Variants in RBFOX1 observed in about 807,000 individuals in gnomAD.
RBFOX1 encodes the protein RNA binding fox-1 homolog 1.
Under a neutral mutation model 57.7 loss-of-function variants are expected in RBFOX1, and 8 were observed. The ratio of observed to expected loss-of-function variants is 0.14; its 90% CI spans 0.08 to 0.25. The LOEUF (loss-of-function observed/expected upper bound fraction) is 0.25. RBFOX1 is among the 10% of genes least tolerant of loss of function. The pLI is 1.00. For synonymous variants in RBFOX1, 326 were observed against 222.4 expected, an observed-to-expected ratio of 1.47 and a Z score of -4.15; for missense variants, 611 against 548.5, an observed-to-expected ratio of 1.11 and a Z score of -1.14.
intron 2 of RBFOX1, among the ~76,000 whole-genome samples, chr16:5,487,143 A>T (rs1395364936): frequency 2.6e-5 from 4 of 152,142 alleles, no homozygotes; most frequent in African/African-American, 7.2e-5. Context: ...TCCACCCCCT[A>T]TTCTGTGCTA....
chr16:6,488,727 C>T (rs901917117), intron 2 of RBFOX1, among the ~76,000 whole-genome samples: 1 of 152,104 alleles, frequency 6.6e-6, no homozygotes, highest in African/African-American at 2.4e-5. Context: ...GGATCAATTT[C>T]CTCCCCTAAC....
At chr16:7,405,490 G>A (rs1364411140) in intron 4 of RBFOX1, among the ~76,000 whole-genome samples, 1 of 152,188 alleles carries the variant, frequency 6.6e-6, no homozygotes, top group African/African-American at 2.4e-5. Flanking sequence ...TGTTCTGAAG[G>A]CAGCAATTAA....
chr16:6,721,733 T>TTTAA (rs550464440), intron 3 of RBFOX1: 10 of 152,152 alleles, frequency 6.6e-5, no homozygotes, highest in African/African-American at 1.4e-4. Flanking sequence ...AATGTATTTG[T>TTTAA]TTAATTAATT....
At chr16:6,682,642 C>G (rs1056052060) in intron 3 of RBFOX1, among the ~76,000 whole-genome samples, 1 of 151,926 alleles carries the variant, frequency 6.6e-6, no homozygotes, top group Non-Finnish European at 1.5e-5. Context: ...GCTTTTCCTT[C>G]TCCCATTGAG....
chr16:7,443,100 C>G (rs1598518402), intron 4 of RBFOX1, among the ~76,000 whole-genome samples: 1 of 152,172 alleles, frequency 6.6e-6, no homozygotes. Flanking sequence ...AACACTCTTA[C>G]CAAGGATAAA....
intron 1 of RBFOX1, among the ~76,000 whole-genome samples, chr16:6,129,880 C>G (rs951349098): frequency 1.3e-5 from 2 of 151,990 alleles, no homozygotes; most frequent in East Asian, 1.9e-4. Context: ...CATATGACAT[C>G]TTTAAAGTTC....
chr16:5,479,577 G>C (rs1467089676), intron 2 of RBFOX1, among the ~76,000 whole-genome samples: 1 of 152,026 alleles, frequency 6.6e-6, no homozygotes, highest in African/African-American at 2.4e-5. Flanking sequence ...TGGCCAACAT[G>C]GTAAAACCCC....
At chr16:6,922,069 G>C (rs562525405) in intron 3 of RBFOX1, among the ~76,000 whole-genome samples, 1 of 152,160 alleles carries the variant, frequency 6.6e-6, no homozygotes, top group Non-Finnish European at 1.5e-5. Flanking sequence ...TACTATTCAG[G>C]TTAATCACTG....
chr16:6,653,645 A>T (rs981882431), intron 2 of RBFOX1, among the ~76,000 whole-genome samples: 1 of 151,462 alleles, frequency 6.6e-6, no homozygotes, highest in African/African-American at 2.4e-5. Flanking sequence ...GGATGAATGG[A>T]TGGATGGATG....
At chr16:5,906,174 T>C (rs1489618720) in intron 4 of RBFOX1, among the ~76,000 whole-genome samples, 2 of 152,310 alleles carry the variant, frequency 1.3e-5, no homozygotes, top group East Asian at 1.9e-4. Flanking sequence ...GGTGAAGTCC[T>C]AGGCCTCAGT....
chr16:6,345,825 G>C (rs978309976), intron 2 of RBFOX1, among the ~76,000 whole-genome samples: 2 of 152,186 alleles, frequency 1.3e-5, no homozygotes, highest in African/African-American at 4.8e-5. Flanking sequence ...GACGACATGT[G>C]CGCAAGGTGG....
chr16:5,737,677 C>G (rs894155650), intron 3 of RBFOX1, among the ~76,000 whole-genome samples: 5 of 151,968 alleles, frequency 3.3e-5, no homozygotes, highest in African/African-American at 1.2e-4. Flanking sequence ...TGCACTGTCT[C>G]CGTACCTAAA....
intron 2 of RBFOX1, among the ~76,000 whole-genome samples, chr16:6,421,030 A>G (rs945532536): frequency 1.3e-5 from 2 of 152,202 alleles, no homozygotes; most frequent in African/African-American, 4.8e-5. Flanking sequence ...CTATTCCTCA[A>G]TGGCTAATTG....
intron 4 of RBFOX1, among the ~76,000 whole-genome samples, chr16:7,517,256 C>G (rs949774584): frequency 6.7e-6 from 1 of 149,828 alleles, no homozygotes; most frequent in Non-Finnish European, 1.5e-5. Flanking sequence ...CATTTGTATT[C>G]AGGTTTTTGT....
At chr16:5,571,109 A>C (rs934704816) in intron 2 of RBFOX1, among the ~76,000 whole-genome samples, 9 of 151,628 alleles carry the variant, frequency 5.9e-5, no homozygotes, top group Middle Eastern at 3.4e-3. Flanking sequence ...TCACTCCCCC[A>C]GCCCTTCATG....
chr16:6,039,253 C>T (rs1443039295), intron 1 of RBFOX1, among the ~76,000 whole-genome samples: 1 of 150,738 alleles, frequency 6.6e-6, no homozygotes. Flanking sequence ...ATGTCATGGC[C>T]TCTGTCTGGC....
chr16:6,716,699 T>G (rs1374384382), intron 3 of RBFOX1, among the ~76,000 whole-genome samples: 1 of 152,158 alleles, frequency 6.6e-6, no homozygotes. Context: ...CCTCTGGCCT[T>G]GATGTTTGGT....
At chr16:6,948,029 T>G (rs898341810) in intron 3 of RBFOX1, among the ~76,000 whole-genome samples, 3 of 152,268 alleles carry the variant, frequency 2.0e-5, no homozygotes, top group Non-Finnish European at 2.9e-5. Context: ...TCCAGCTGCC[T>G]TCACCTCCCA....
rs200393762 is a variant in RBFOX1 at position 7,507,561 on chromosome 16, C to CTTTTTTTTT, written c.28-10583_28-10582insTTTTTTTTT. Among the ~76,000 whole-genome samples the CTTTTTTTTT allele has an allele frequency of 3.3e-4, 41 of 122,928 alleles. 2 individuals are homozygous for CTTTTTTTTT. The highest frequency in any genetic ancestry group is 5.2e-4 in the African/African-American group (18 of 34,610). The allele number at this position is 122,928 out of a possible 152,430, so 80.6% of individuals were successfully genotyped here. ...TTGGAACGTGATTTTTTTTTTCTTT[C>CTTTTTTTTT]TTTCTTTTTTTTTTTTTTTTGAGAC... On this transcript the variant is annotated intron_variant, in intron 4 of 15. Coordinates refer to ENST00000550418, the MANE Select transcript of RBFOX1 (RefSeq NM_018723.4).
Sources: allele counts gnomAD v4.1 joint callset (sites outside exome capture counted in the v4.1 genomes callset), GRCh38; gene constraint gnomAD v4.1.1; transcripts MANE v1.5; gene names NCBI Gene and HGNC (gene_info 2026-07-23, HGNC 2026-07-21).